Variants in RTL4 observed in about 807,000 individuals in gnomAD.
The protein encoded by RTL4 is retrotransposon Gag like 4, also known as retrotransposon Gag-like protein 4.
RTL4 carries 4 observed loss-of-function variants against 5.3 expected under a neutral mutation model. That is an observed-to-expected ratio of 0.75 (90% CI 0.37 to 1.72). The LOEUF (loss-of-function observed/expected upper bound fraction) is 1.72. Among genes scored for constraint, RTL4 ranks in the 40% most tolerant of loss-of-function variants. The pLI is 0.04. For synonymous variants in RTL4, 98 were observed against 87.3 expected, an observed-to-expected ratio of 1.12 and a Z score of -0.68; for missense variants, 260 against 227.1, an observed-to-expected ratio of 1.14 and a Z score of -0.93.
At chrX:112,227,339 G>A in the RTL4 span, among the ~76,000 whole-genome samples, 10 of 111,730 alleles carry the variant, frequency 9.0e-5, no homozygotes, top group Non-Finnish European at 1.7e-4. Flanking sequence ...ATCAAAACTC[G>A]CTTTTCATGC....
chrX:112,377,202 A>G, the RTL4 span, among the ~76,000 whole-genome samples: 1 of 112,065 alleles, frequency 8.9e-6, no homozygotes, highest in Admixed American at 9.4e-5. Flanking sequence ...TTCTAGAGGC[A>G]GCATATTCCA....
the RTL4 span, among the ~76,000 whole-genome samples, chrX:112,434,793 C>G: frequency 9.0e-6 from 1 of 111,663 alleles, no homozygotes; most frequent in African/African-American, 3.3e-5. Flanking sequence ...TACCATGGAT[C>G]TCTTCGGCAT....
the RTL4 span, among the ~76,000 whole-genome samples, chrX:112,398,260 G>A: frequency 6.1e-4 from 68 of 110,883 alleles, no homozygotes; most frequent in East Asian, 0.017. Context: ...TTGCTTTTGC[G>A]ATCTGAGAAG....
the RTL4 span, among the ~76,000 whole-genome samples, chrX:112,303,823 G>A: frequency 1.8e-5 from 2 of 108,801 alleles, no homozygotes; most frequent in African/African-American, 3.3e-5. Flanking sequence ...TGGGATATAG[G>A]CTTCTGCTCA....
chrX:112,434,729 A>G, the RTL4 span, among the ~76,000 whole-genome samples: 1 of 111,991 alleles, frequency 8.9e-6, no homozygotes, highest in East Asian at 2.8e-4. Context: ...AGAAACCAGA[A>G]GTAAAGCTTG....
chrX:112,132,719 G>C, the RTL4 span, among the ~76,000 whole-genome samples: 1 of 112,134 alleles, frequency 8.9e-6, no homozygotes, highest in Non-Finnish European at 1.9e-5. Context: ...ATACAAAGTT[G>C]GATATGGTTG....
At chrX:112,181,677 C>T in the RTL4 span, among the ~76,000 whole-genome samples, 1 of 112,025 alleles carries the variant, frequency 8.9e-6, no homozygotes, top group African/African-American at 3.2e-5. Context: ...GGCAGCAGCC[C>T]CAGTCAGGGA....
chrX:112,226,919 G>A, the RTL4 span, among the ~76,000 whole-genome samples: 185 of 89,053 alleles, frequency 2.1e-3, 1 homozygote, highest in African/African-American at 9.0e-3. Context: ...GCAAGGCTCC[G>A]TCTCAAAAAA....
At chrX:112,319,308 C>T in the RTL4 span, among the ~76,000 whole-genome samples, 1 of 111,406 alleles carries the variant, frequency 9.0e-6, no homozygotes, top group Non-Finnish European at 1.9e-5. Context: ...GGTTCCCCTC[C>T]ATTGCTTCCT....
the RTL4 span, among the ~76,000 whole-genome samples, chrX:112,289,591 T>G: frequency 8.9e-6 from 1 of 112,045 alleles, no homozygotes; most frequent in Non-Finnish European, 1.9e-5. Context: ...ACTCATCTGT[T>G]CAATGGGGGT....
At chrX:112,372,444 G>C in the RTL4 span, among the ~76,000 whole-genome samples, 1 of 111,186 alleles carries the variant, frequency 9.0e-6, no homozygotes, top group Non-Finnish European at 1.9e-5. Flanking sequence ...TGCATCCTGA[G>C]GGTAAGAGCA....
At chrX:112,374,077 G>A in the RTL4 span, among the ~76,000 whole-genome samples, 1 of 110,514 alleles carries the variant, frequency 9.0e-6, no homozygotes, top group African/African-American at 3.3e-5. Context: ...AGTTTTTTGA[G>A]TGTGAAAAAT....
At chrX:112,214,115 A>G in the RTL4 span, among the ~76,000 whole-genome samples, 1 of 111,497 alleles carries the variant, frequency 9.0e-6, no homozygotes, top group African/African-American at 3.3e-5. Flanking sequence ...TGTATAGTAG[A>G]TCTCTAGGAT....
the RTL4 span, among the ~76,000 whole-genome samples, chrX:112,428,943 G>A: frequency 9.0e-6 from 1 of 111,477 alleles, no homozygotes; most frequent in Non-Finnish European, 1.9e-5. Flanking sequence ...GAAGTCTGCT[G>A]TGTCTTAAAT....
the RTL4 span, among the ~76,000 whole-genome samples, chrX:112,351,041 T>C: frequency 3.4e-4 from 38 of 111,517 alleles, no homozygotes; most frequent in African/African-American, 1.1e-3. Flanking sequence ...GCTTTGAATG[T>C]GTCCCAGAGA....
chrX:112,136,799 G>A, the RTL4 span, among the ~76,000 whole-genome samples: 825 of 111,860 alleles, frequency 7.4e-3, 5 homozygotes, highest in Non-Finnish European at 0.012. Context: ...TTGCAAAGCT[G>A]TAGTAATTAA....
At chrX:112,094,593 G>C in the RTL4 span, among the ~76,000 whole-genome samples, 1 of 111,044 alleles carries the variant, frequency 9.0e-6, no homozygotes, top group Non-Finnish European at 1.9e-5. Flanking sequence ...GGACTGAGCT[G>C]TGGAGTTGTT....
chrX:112,146,804 G>A, the RTL4 span, among the ~76,000 whole-genome samples: 1 of 109,078 alleles, frequency 9.2e-6, no homozygotes, highest in Non-Finnish European at 1.9e-5. Flanking sequence ...GGCTTGCAAC[G>A]CAGAGAACTT....
At chrX:112,387,357 CT>C in the RTL4 span, among the ~76,000 whole-genome samples, 1,323 of 94,541 alleles carry the variant, frequency 0.014, 18 homozygotes, top group African/African-American at 0.037. Context: ...ACCTATTTAT[CT>C]TTTTTTTTTT....
Sources: allele counts gnomAD v4.1 joint callset (sites outside exome capture counted in the v4.1 genomes callset), GRCh38; gene constraint gnomAD v4.1.1; transcripts MANE v1.5; gene names NCBI Gene and HGNC (gene_info 2026-07-23, HGNC 2026-07-21).